The following LHFPL2 variants were observed in gnomAD, a reference collection of about 807,000 sequenced individuals.
LHFPL2 encodes LHFPL tetraspan subfamily member 2 protein.
In LHFPL2, 7 loss-of-function variants were observed where a neutral mutation model predicts 17.5. The observed-to-expected ratio is 0.40, with a 90% CI of 0.23 to 0.75. The LOEUF (loss-of-function observed/expected upper bound fraction) is 0.75, where lower values mean the gene tolerates loss of function less well. Ranked by LOEUF, LHFPL2 falls within the 30% of genes least tolerant of loss-of-function variation. LHFPL2 has a pLI of 0.37. For missense variants in LHFPL2, 241 were observed against 294.8 expected (o/e 0.82, Z 1.34); for synonymous variants, 134 against 116.2 (o/e 1.15, Z -0.99).
intron 3 of LHFPL2, among the ~76,000 whole-genome samples, chr5:78,539,563 G>A (rs117918050): frequency 5.3e-5 from 8 of 152,144 alleles, no homozygotes; most frequent in African/African-American, 1.7e-4. Flanking sequence ...TGCTCAACAG[G>A]TGTTTGTTAA....
intron 2 of LHFPL2, among the ~76,000 whole-genome samples, chr5:78,579,597 G>C (rs1743012743): frequency 6.6e-6 from 1 of 151,798 alleles, no homozygotes; most frequent in Non-Finnish European, 1.5e-5. Context: ...GCGGTGTTTG[G>C]TTTTTTGTTC....
At chr5:78,646,565 A>G (rs973226421) in intron 1 of LHFPL2, among the ~76,000 whole-genome samples, 29 of 152,266 alleles carry the variant, frequency 1.9e-4, no homozygotes, top group Non-Finnish European at 3.8e-4. Context: ...GGAGCCCAAT[A>G]GCCCAAATTT....
At chr5:78,519,108 C>A (rs573656285) in intron 3 of LHFPL2, among the ~76,000 whole-genome samples, 2 of 152,256 alleles carry the variant, frequency 1.3e-5, no homozygotes, top group East Asian at 3.9e-4. Context: ...TGCTCCCCAA[C>A]ATGAGCCAGG....
At chr5:78,555,617 G>C (rs1369562094) in intron 3 of LHFPL2, among the ~76,000 whole-genome samples, 1 of 152,240 alleles carries the variant, frequency 6.6e-6, no homozygotes, top group African/African-American at 2.4e-5. Context: ...CCAGTCAAGA[G>C]AGAAGGAGAG....
intron 4 of LHFPL2, among the ~76,000 whole-genome samples, chr5:78,503,246 T>C (rs1017983431): frequency 3.3e-5 from 5 of 152,266 alleles, no homozygotes; most frequent in Non-Finnish European, 4.4e-5. Context: ...GTAATTTGAA[T>C]ATAGATCATC....
intron 4 of LHFPL2, among the ~76,000 whole-genome samples, chr5:78,497,335 C>T (rs1444343604): frequency 6.6e-6 from 1 of 152,176 alleles, no homozygotes; most frequent in East Asian, 1.9e-4. Flanking sequence ...TAACTATCTT[C>T]AACATTCCCT....
At chr5:78,581,653 G>A (rs1181065618) in intron 2 of LHFPL2, among the ~76,000 whole-genome samples, 1 of 152,190 alleles carries the variant, frequency 6.6e-6, no homozygotes, top group African/African-American at 2.4e-5. Flanking sequence ...CTTGATCATG[G>A]TGGATAAGCT....
chr5:78,574,258 G>A (rs1027732730), intron 2 of LHFPL2, among the ~76,000 whole-genome samples: 3 of 152,190 alleles, frequency 2.0e-5, no homozygotes, highest in Non-Finnish European at 4.4e-5. Flanking sequence ...TAAAGACGTG[G>A]GGAGGGTGCC....
chr5:78,500,842 GC>G, intron 4 of LHFPL2, among the ~76,000 whole-genome samples: 1 of 152,098 alleles, frequency 6.6e-6, no homozygotes, highest in Non-Finnish European at 1.5e-5. Context: ...TCAGATGATG[GC>G]TCATCAGTTA....
At chr5:78,578,441 A>G (rs1191869796) in intron 2 of LHFPL2, among the ~76,000 whole-genome samples, 1 of 152,112 alleles carries the variant, frequency 6.6e-6, no homozygotes, top group Non-Finnish European at 1.5e-5. Flanking sequence ...GAGTTTTGGA[A>G]TTGGGAAACT....
chr5:78,519,762 C>G (rs564433173), intron 3 of LHFPL2, among the ~76,000 whole-genome samples: 1 of 152,254 alleles, frequency 6.6e-6, no homozygotes, highest in African/African-American at 2.4e-5. Context: ...CCAGCCTCCC[C>G]GTCCCTTGAC....
chr5:78,533,133 G>A lies in LHFPL2; in HGVS notation c.-185-22735C>T, dbSNP rs575380852. On this transcript the variant is annotated intron_variant, in intron 3 of 4. Coordinates refer to ENST00000380345, the MANE Select transcript of LHFPL2 (RefSeq NM_005779.3). ...TAAGGATTTACTGCTCTACGGGGGTGAAAACTAATTCCTTAGGTCCAGGTC... is the reference window on the plus strand; with the variant it reads ...TAAGGATTTACTGCTCTACGGGGGTAAAAACTAATTCCTTAGGTCCAGGTC... Among the ~76,000 whole-genome samples the A allele has an allele frequency of 2.0e-5, 3 of 152,282 alleles. No individual in the cohort carries two copies. The South Asian group carries it at 6.2e-4, about 32-fold the overall frequency.
At chr5:78,561,316 A>C (rs766233708) in intron 3 of LHFPL2, among the ~76,000 whole-genome samples, 1 of 152,256 alleles carries the variant, frequency 6.6e-6, no homozygotes, top group African/African-American at 2.4e-5. Flanking sequence ...CGCACTAGTC[A>C]TATGTCAAGT....
At chr5:78,536,921 G>A (rs1397487104) in intron 3 of LHFPL2, among the ~76,000 whole-genome samples, 1 of 152,176 alleles carries the variant, frequency 6.6e-6, no homozygotes, top group Non-Finnish European at 1.5e-5. Flanking sequence ...ACTTCCTTGT[G>A]TGTCCGCCTT....
chr5:78,614,798 G>C (rs1744542602), intron 2 of LHFPL2, among the ~76,000 whole-genome samples: 1 of 152,150 alleles, frequency 6.6e-6, no homozygotes, highest in Non-Finnish European at 1.5e-5. Flanking sequence ...AAACATGGCA[G>C]GTTCTGTTAT....
intron 4 of LHFPL2, among the ~76,000 whole-genome samples, chr5:78,509,155 A>G (rs1252906739): frequency 6.6e-6 from 1 of 152,268 alleles, no homozygotes; most frequent in East Asian, 1.9e-4. Flanking sequence ...AGAAAATGGA[A>G]GAGTTCGCTT....
intron 1 of LHFPL2, among the ~76,000 whole-genome samples, chr5:78,636,932 C>G (rs545783727): frequency 6.6e-6 from 1 of 151,972 alleles, no homozygotes; most frequent in Non-Finnish European, 1.5e-5. Context: ...GAAGACAGCC[C>G]TTCACAAGCA....
intron 2 of LHFPL2, among the ~76,000 whole-genome samples, chr5:78,617,164 G>T (rs1254510313): frequency 6.6e-6 from 1 of 152,154 alleles, no homozygotes; most frequent in African/African-American, 2.4e-5. Flanking sequence ...GAGTAGCTGG[G>T]ATTACAGGTG....
At position 78,510,335 on chromosome 5, in the gene LHFPL2, G is replaced by T; in HGVS notation, c.-122C>A. On this transcript the variant is annotated 5_prime_UTR_variant, in exon 4 of 5. Coordinates refer to ENST00000380345, the MANE Select transcript of LHFPL2 (RefSeq NM_005779.3). The stretch of plus-strand genomic sequence containing the variant: ...GTCGCAGCTGCAGTCATTCACTCCC[G>T]CCGCCGGCCGCGTTCATGCTGGGGA... The T allele has an allele frequency of 1.0e-6, 1 of 973,356 alleles. No individual in the cohort carries two copies. The highest frequency in any genetic ancestry group is 1.5e-6 in the Non-Finnish European group (1 of 669,048). The allele number at this position is 973,356 out of a possible 1,614,324, so 60.3% of individuals were successfully genotyped here.
Sources: allele counts gnomAD v4.1 joint callset (sites outside exome capture counted in the v4.1 genomes callset), GRCh38; gene constraint gnomAD v4.1.1; transcripts MANE v1.5; gene names NCBI Gene and HGNC (gene_info 2026-07-23, HGNC 2026-07-21).